S100Z: variants seen among roughly 807,000 people sequenced by gnomAD.
S100Z encodes protein S100-Z.
S100Z carries 11 observed loss-of-function variants against 8.5 expected under a neutral mutation model. That is an observed-to-expected ratio of 1.30 (90% confidence interval 0.82 to 2.15). The LOEUF (loss-of-function observed/expected upper bound fraction) is 2.15, where lower values mean the gene tolerates loss of function less well. S100Z is among the 30% of genes most tolerant of loss of function. The probability of loss-of-function intolerance (pLI) is 0.00; values close to 1 mark genes in which losing one functional copy is unlikely to be tolerated. For missense variants in S100Z, 126 were observed against 117.9 expected, an observed-to-expected ratio of 1.07 and a Z score of -0.32; for synonymous variants, 34 against 43.8, an observed-to-expected ratio of 0.78 and a Z score of 0.89.
intron 4 of S100Z, among the ~76,000 whole-genome samples, chr5:76,902,739 GC>G (rs775256233): frequency 2.0e-5 from 3 of 150,954 alleles, no homozygotes; most frequent in African/African-American, 7.3e-5. Flanking sequence ...ATCTTGGTCT[GC>G]CCCCCACCAT....
the S100Z span, chr5:76,952,924 C>G: frequency 1.8e-6 from 1 of 564,474 alleles, no homozygotes; most frequent in African/African-American, 1.9e-5. Flanking sequence ...CCCTCGTCAT[C>G]GCCACGTACT....
In S100Z at chr5:76,878,925, C is replaced by T. The variant is rs377011848; in HGVS notation, c.*2+1091C>T. Among the ~76,000 whole-genome samples the T allele has an allele frequency of 6.6e-5, 10 of 152,312 alleles. No individual in the cohort carries two copies. The East Asian group carries it at 9.6e-4, about 15-fold the overall frequency. ...AAGAGAGAAGTCCAGGATGACAAAA[C>T]AACCGTTGCTGTTTGCCCATCTGAT... On this transcript the variant is annotated intron_variant, in intron 4 of 4. Coordinates refer to ENST00000317593, the MANE Select transcript of S100Z (RefSeq NM_130772.4).
chr5:76,879,017 A>G (rs1440745385), intron 4 of S100Z, among the ~76,000 whole-genome samples: 1 of 152,132 alleles, frequency 6.6e-6, no homozygotes. Flanking sequence ...TGCCTGGCTA[A>G]AAAGCCATAT....
At chr5:76,867,745 C>A (rs552333477) in intron 1 of S100Z, among the ~76,000 whole-genome samples, 4 of 152,128 alleles carry the variant, frequency 2.6e-5, no homozygotes, top group South Asian at 2.1e-4. Flanking sequence ...CCATGCCCGA[C>A]TAATTTTTGT....
At chr5:76,950,304 T>A in the S100Z span, among the ~76,000 whole-genome samples, 1 of 152,196 alleles carries the variant, frequency 6.6e-6, no homozygotes, top group African/African-American at 2.4e-5. Flanking sequence ...ACATGGCCTA[T>A]AATGTGACTG....
chr5:76,912,398 C>T (rs1744697812), intron 4 of S100Z, among the ~76,000 whole-genome samples: 1 of 152,104 alleles, frequency 6.6e-6, no homozygotes. Context: ...TGACCTTAAC[C>T]TATATACCAA....
chr5:76,859,323 A>G (rs1010416801), intron 1 of S100Z, among the ~76,000 whole-genome samples: 2 of 152,182 alleles, frequency 1.3e-5, no homozygotes, highest in African/African-American at 2.4e-5. Context: ...ACCACCACAC[A>G]ACTATGTCTG....
At chr5:76,949,314 A>C in the S100Z span, among the ~76,000 whole-genome samples, 1 of 152,146 alleles carries the variant, frequency 6.6e-6, no homozygotes, top group East Asian at 1.9e-4. Context: ...GCGTGGACCC[A>C]GGAGGCAGAG....
intron 4 of S100Z, among the ~76,000 whole-genome samples, chr5:76,891,472 C>G (rs191645651): frequency 1.2e-4 from 19 of 152,290 alleles, no homozygotes; most frequent in Admixed American, 1.0e-3. Context: ...TGACTGAGAA[C>G]TGTCTAGGAC....
intron 3 of S100Z, among the ~76,000 whole-genome samples, chr5:76,877,172 C>T (rs1034787418): frequency 2.6e-5 from 4 of 152,180 alleles, no homozygotes; most frequent in Middle Eastern, 3.4e-3. Flanking sequence ...CTAAATCTAG[C>T]GACCCTGGTG....
At chr5:76,863,600 G>A (rs28684494) in intron 1 of S100Z, among the ~76,000 whole-genome samples, 4,928 of 151,864 alleles carry the variant, frequency 0.032, 256 homozygotes, top group African/African-American at 0.11. Flanking sequence ...GTGCAGTGGC[G>A]CGATCTCGGC....
At position 76,910,121 on chromosome 5, in the gene S100Z, A is replaced by T. The variant is rs575538533; in HGVS notation, c.*3-10596A>T. On this transcript the variant is annotated intron_variant, in intron 4 of 4. Coordinates refer to ENST00000317593, the MANE Select transcript of S100Z (RefSeq NM_130772.4). The stretch of plus-strand genomic sequence containing the variant: ...GACTAAGGAGAATTAGGAAAAGCCC[A>T]TGAATTATTCAATGATGTCCACCAT... Among the ~76,000 whole-genome samples the T allele has an allele frequency of 1.2e-4, 18 of 152,354 alleles. No homozygotes were observed. In the South Asian group the frequency reaches 3.5e-3, roughly 30 times the overall value.
chr5:76,926,644 C>G (rs1167484505), downstream of S100Z, among the ~76,000 whole-genome samples: 1 of 152,028 alleles, frequency 6.6e-6, no homozygotes, highest in Non-Finnish European at 1.5e-5. Context: ...AGGCTAAATG[C>G]CCAAGACAGG....
At chr5:76,881,053 G>A (rs1048405796) in intron 4 of S100Z, among the ~76,000 whole-genome samples, 5 of 152,136 alleles carry the variant, frequency 3.3e-5, no homozygotes, top group African/African-American at 1.2e-4. Flanking sequence ...ACAAGAATAA[G>A]AGCAAGTATA....
At chr5:76,867,875 G>A (rs568695814) in intron 1 of S100Z, among the ~76,000 whole-genome samples, 1 of 152,176 alleles carries the variant, frequency 6.6e-6, no homozygotes, top group South Asian at 2.1e-4. Flanking sequence ...AGCCACTGCG[G>A]CCGGCCACAG....
intron 4 of S100Z, among the ~76,000 whole-genome samples, chr5:76,914,852 G>T (rs149852211): frequency 1.3e-5 from 2 of 152,070 alleles, no homozygotes; most frequent in Non-Finnish European, 2.9e-5. Context: ...TGAAGTCAGC[G>T]AGACCACGAA....
intron 4 of S100Z, among the ~76,000 whole-genome samples, chr5:76,890,681 T>C (rs1452294572): frequency 6.6e-6 from 1 of 151,974 alleles, no homozygotes; most frequent in Non-Finnish European, 1.5e-5. Context: ...CAGGATTTGT[T>C]TGGGAGAATG....
the S100Z span, among the ~76,000 whole-genome samples, chr5:76,951,884 A>G: frequency 4.0e-4 from 61 of 152,358 alleles, no homozygotes; most frequent in South Asian, 1.2e-3. Context: ...TTGTCCTGAC[A>G]TGAAAATAAT....
intron 1 of S100Z, among the ~76,000 whole-genome samples, chr5:76,855,070 T>C (rs967175511): frequency 2.0e-5 from 3 of 152,252 alleles, no homozygotes; most frequent in Admixed American, 2.0e-4. Context: ...ATGCAAAAGT[T>C]GAGGCTTGGA....
Sources: gnomAD v4.1 joint callset for allele counts (sites outside exome capture counted in the v4.1 genomes callset) on GRCh38, gnomAD v4.1.1 for gene constraint, MANE v1.5 for transcripts, NCBI Gene and HGNC (gene_info 2026-07-23, HGNC 2026-07-21) for gene names.